PRKCA: variants seen among roughly 807,000 people sequenced by gnomAD.
The protein encoded by PRKCA is protein kinase C alpha type.
In PRKCA, 27 loss-of-function variants were observed where a neutral mutation model predicts 87.0. The ratio of observed to expected loss-of-function variants is 0.31; its 90% confidence interval spans 0.23 to 0.43. The LOEUF is 0.43. Among genes scored for constraint, PRKCA ranks in the 20% least tolerant of loss-of-function variants. PRKCA has a pLI of 1.00. For missense variants in PRKCA, 518 were observed against 852.3 expected, an observed-to-expected ratio of 0.61 and a Z score of 4.88; for synonymous variants, 329 against 311.1, an observed-to-expected ratio of 1.06 and a Z score of -0.61.
chr17:66,558,538 A>G (rs1055699059), intron 3 of PRKCA, among the ~76,000 whole-genome samples: 7 of 152,192 alleles, frequency 4.6e-5, no homozygotes, highest in Non-Finnish European at 1.0e-4. Context: ...AGGCTGAGGC[A>G]GGTGAGCTGA....
chr17:66,322,764 C>T (rs1207488741), intron 2 of PRKCA, among the ~76,000 whole-genome samples: 1 of 151,810 alleles, frequency 6.6e-6, no homozygotes, highest in Non-Finnish European at 1.5e-5. Context: ...AGCCACTGCA[C>T]CTGGCTAGCT....
At chr17:66,337,056 G>T (rs1411550128) in intron 2 of PRKCA, among the ~76,000 whole-genome samples, 1 of 152,174 alleles carries the variant, frequency 6.6e-6, no homozygotes. Context: ...CTCCCAAAGT[G>T]CTGGGATTAC....
rs7216407 is a variant in PRKCA, at chr17:66,421,128, T to C, written c.206-75073T>C. Among the ~76,000 whole-genome samples, 1,443 of 152,244 alleles carry C rather than the reference T, an allele frequency of 9.5e-3. 28 individuals are homozygous for C. Among genetic ancestry groups the C allele is most frequent in the African/African-American group, 0.033 (1,383 of 41,560 alleles). On this transcript the variant is annotated intron_variant, in intron 2 of 16. Coordinates refer to ENST00000413366, the MANE Select transcript of PRKCA (RefSeq NM_002737.3). ...CCAGTGAAGTTGAAAAATGCTTGCC[T>C]GATAAAATGCTTGCCTGATGGCTAC...
chr17:66,430,370 G>C (rs1412693689), intron 2 of PRKCA, among the ~76,000 whole-genome samples: 1 of 151,742 alleles, frequency 6.6e-6, no homozygotes, highest in Non-Finnish European at 1.5e-5. Context: ...TCCTTTCCCA[G>C]GGCCATGGCT....
At chr17:66,801,803 G>A (rs1258347197) in intron 16 of PRKCA, among the ~76,000 whole-genome samples, 1 of 152,164 alleles carries the variant, frequency 6.6e-6, no homozygotes, top group African/African-American at 2.4e-5. Context: ...TAACTTGAAA[G>A]CCCACAGGCA....
At chr17:66,420,280 A>T (rs1786931812) in intron 2 of PRKCA, among the ~76,000 whole-genome samples, 1 of 152,048 alleles carries the variant, frequency 6.6e-6, no homozygotes, top group Admixed American at 6.5e-5. Flanking sequence ...AAGTGCTAGG[A>T]TGACAGGCGT....
intron 2 of PRKCA, among the ~76,000 whole-genome samples, chr17:66,441,161 CCAAAAAAAAAAA>C (rs1567830245): frequency 2.1e-5 from 2 of 96,312 alleles, no homozygotes; most frequent in African/African-American, 9.9e-5. Flanking sequence ...AACTCTGTCT[CCAAAAAAAAAAA>C]AAAAAAAAAA....
intron 2 of PRKCA, among the ~76,000 whole-genome samples, chr17:66,404,530 C>T (rs72838214): frequency 0.045 from 6,780 of 152,226 alleles, 221 homozygotes; most frequent in Admixed American, 0.078. Flanking sequence ...TTACAAGCCT[C>T]AGGAAGTTAG....
chr17:66,438,878 C>T (rs976358480), intron 2 of PRKCA, among the ~76,000 whole-genome samples: 15 of 152,280 alleles, frequency 9.9e-5, no homozygotes, highest in Admixed American at 3.9e-4. Flanking sequence ...TCAATTATCT[C>T]TGCCTAGTCC....
intron 2 of PRKCA, among the ~76,000 whole-genome samples, chr17:66,320,498 G>C (rs1905594085): frequency 6.6e-6 from 1 of 152,036 alleles, no homozygotes. Flanking sequence ...CTAAACTCTA[G>C]GAGTTTTACC....
intron 2 of PRKCA, among the ~76,000 whole-genome samples, chr17:66,309,320 T>A (rs1904977938): frequency 6.6e-6 from 1 of 152,214 alleles, no homozygotes; most frequent in Non-Finnish European, 1.5e-5. Flanking sequence ...GAGAATGGCA[T>A]CTTACAAGCA....
At chr17:66,780,340 G>C (rs895333877) in intron 14 of PRKCA, among the ~76,000 whole-genome samples, 3 of 151,910 alleles carry the variant, frequency 2.0e-5, no homozygotes, top group African/African-American at 4.8e-5. Flanking sequence ...TGCAACAGTC[G>C]GTGAAAAACA....
At chr17:66,510,790 A>G (rs1456177896) in intron 3 of PRKCA, among the ~76,000 whole-genome samples, 1 of 152,072 alleles carries the variant, frequency 6.6e-6, no homozygotes, top group South Asian at 2.1e-4. Flanking sequence ...CTGTCGCCCA[A>G]GCTGGAGTGC....
rs1974003390 is a variant in PRKCA at position 66,735,524 on chromosome 17, G to C, written c.1092G>C (p.Leu364=). 1.2e-6 allele frequency: 2 copies of C among 1,614,002 alleles called. No homozygotes were observed. The highest frequency in any genetic ancestry group is 3.3e-5 in the Admixed American group (2 of 59,998). Residue 364 remains leucine (L), a synonymous_variant, in exon 10 of 17, where the codon CTG becomes CTC. Transcript: ENST00000413366. ...CCGACAGGAAGGGCACAGAAGAACT[G>C]TATGCAATCAAAATCCTGAAGAAGG... ...MLADRKGTEE[L]YAIKILKKDV...
At chr17:66,357,259 G>A (rs1457244102) in intron 2 of PRKCA, among the ~76,000 whole-genome samples, 3 of 152,162 alleles carry the variant, frequency 2.0e-5, no homozygotes, top group African/African-American at 7.2e-5. Flanking sequence ...GGTGGTGGGG[G>A]AGGGCACTAG....
chr17:66,788,807 C>A, intron 15 of PRKCA, 32 bp from the exon 16 acceptor site: 1 of 1,605,358 alleles, frequency 6.2e-7, no homozygotes, highest in South Asian at 1.1e-5. Flanking sequence ...CCTTGACATC[C>A]ATTGTTCTCC....
chr17:66,778,478 T>G (rs545499973), intron 14 of PRKCA, among the ~76,000 whole-genome samples: 29 of 152,240 alleles, frequency 1.9e-4, no homozygotes, highest in Admixed American at 1.6e-3. Flanking sequence ...ATCGCGCCAC[T>G]GCACTGCAGC....
chr17:66,738,614 GA>G (rs1268267430), intron 10 of PRKCA, 149 bp from the exon 11 acceptor site: 10 of 669,452 alleles, frequency 1.5e-5, no homozygotes, highest in Admixed American at 3.1e-5. Context: ...TCTTTCTTTG[GA>G]AAAAAATGTG....
At chr17:66,537,890 C>G (rs1369594095) in intron 3 of PRKCA, among the ~76,000 whole-genome samples, 1 of 152,076 alleles carries the variant, frequency 6.6e-6, no homozygotes, top group Non-Finnish European at 1.5e-5. Context: ...ACTGCAATCT[C>G]CACCTCCTGG....
Sources: gnomAD v4.1 joint callset for allele counts (sites outside exome capture counted in the v4.1 genomes callset) on GRCh38, gnomAD v4.1.1 for gene constraint, MANE v1.5 for transcripts, NCBI Gene and HGNC (gene_info 2026-07-23, HGNC 2026-07-21) for gene names.